The following SPAG1 variants were observed in gnomAD, a reference collection of about 807,000 sequenced individuals.
The protein encoded by SPAG1 is sperm associated antigen 1, also known as sperm-associated antigen 1.
A neutral mutation model predicts 100.5 loss-of-function variants in SPAG1; 69 were observed. The observed-to-expected ratio is 0.69, with a 90% CI of 0.57 to 0.84. The LOEUF (loss-of-function observed/expected upper bound fraction) is 0.84, where lower values mean the gene tolerates loss of function less well. Ranked by LOEUF, SPAG1 falls within the 40% of genes least tolerant of loss-of-function variation. SPAG1 has a pLI of 0.00. For synonymous variants in SPAG1, 336 were observed against 411.6 expected (o/e 0.82, Z 2.22); for missense variants, 955 against 1,133.1 (o/e 0.84, Z 2.26).
At chr8:100,226,710 A>T (rs1818529999) in intron 14 of SPAG1, among the ~76,000 whole-genome samples, 1 of 152,282 alleles carries the variant, frequency 6.6e-6, no homozygotes, top group East Asian at 1.9e-4. Context: ...CTCAAAAAAA[A>T]AAAATTTAAA....
chr8:100,214,004 C>T (rs1054548480), intron 12 of SPAG1, 86 bp downstream of exon 12: 7 of 697,102 alleles, frequency 1.0e-5, no homozygotes, highest in Admixed American at 2.7e-5. Flanking sequence ...AATTTTCTGC[C>T]TAAGGATCTA....
intron 12 of SPAG1, among the ~76,000 whole-genome samples, chr8:100,216,962 A>T (rs1563803556): frequency 3.9e-5 from 4 of 101,908 alleles, no homozygotes; most frequent in Non-Finnish European, 3.5e-5. Flanking sequence ...TTTGAGACTG[A>T]GTCTTGCTCT....
chr8:100,163,895 T>C (rs1586382563), intron 2 of SPAG1, among the ~76,000 whole-genome samples: 1 of 152,218 alleles, frequency 6.6e-6, no homozygotes, highest in South Asian at 2.1e-4. Context: ...GTTATAATAA[T>C]GTTGGTTCCA....
At position 100,162,416 on chromosome 8, in the gene SPAG1, C is replaced by A; in HGVS notation, c.136C>A (p.Leu46Ile). The A allele has an allele frequency of 6.3e-7, 1 of 1,575,120 alleles. No homozygotes were observed. The highest frequency in any genetic ancestry group is 8.6e-7 in the Non-Finnish European group (1 of 1,165,538). Reference protein sequence around the residue: ...VKHLEKILCVLRSGEEGYYPE... With the variant: ...VKHLEKILCVIRSGEEGYYPE... ...ACATCTGGAAAAAATTCTTTGCGTGCTCAGGTAAGCATTTTAAAATCATTA... is the reference window on the plus strand; with the variant it reads ...ACATCTGGAAAAAATTCTTTGCGTGATCAGGTAAGCATTTTAAAATCATTA... Residue 46 changes from leucine (L) to isoleucine (I), a missense_variant, in exon 2 of 19, where the codon CTC (leucine) becomes ATC (isoleucine). Physicochemically the swap from Leu to Ile is conservative, Grantham distance 5. Coordinates refer to ENST00000388798, the MANE Select transcript of SPAG1 (RefSeq NM_003114.5).
At chr8:100,224,383 AAT>A (rs1423710448) in intron 13 of SPAG1, among the ~76,000 whole-genome samples, 1 of 152,156 alleles carries the variant, frequency 6.6e-6, no homozygotes, top group Non-Finnish European at 1.5e-5. Flanking sequence ...CTCTACTAAA[AAT>A]ACTAAAATTA....
intron 14 of SPAG1, among the ~76,000 whole-genome samples, chr8:100,230,749 G>A (rs749758707): frequency 9.9e-5 from 15 of 151,986 alleles, no homozygotes; most frequent in Non-Finnish European, 2.1e-4. Flanking sequence ...TCAGCCTCCC[G>A]AGTAGCTAGG....
Position 100,187,206 on chromosome 8 carries a change from AG to A in SPAG1, c.790del (p.Asp264IlefsTer8). Reference sequence around the variant, plus strand: ...TTACAGAACTGGAATAGTGCTTTTCAGGATTGTGAAAAGGTCTTGGAGTTAG... The same window carrying A: ...TTACAGAACTGGAATAGTGCTTTTCAGATTGTGAAAAGGTCTTGGAGTTAG... ...IKLQNWNSAF[Q>X]DCEKVLELEP... On this transcript the variant is annotated frameshift_variant, in exon 8 of 19. Transcript: ENST00000388798. LOFTEE classifies it high-confidence loss of function. 1 of 1,612,944 alleles carries A rather than the reference AG, an allele frequency of 6.2e-7. No individual in the cohort carries two copies. The highest frequency in any genetic ancestry group is 8.5e-7 in the Non-Finnish European group (1 of 1,179,220).
chr8:100,177,368 G>T (rs1202982207), intron 3 of SPAG1, among the ~76,000 whole-genome samples: 1 of 151,970 alleles, frequency 6.6e-6, no homozygotes, highest in Non-Finnish European at 1.5e-5. Flanking sequence ...ACGTATTATA[G>T]TGTCTCCTAC....
intron 12 of SPAG1, among the ~76,000 whole-genome samples, chr8:100,219,016 A>T (rs1170524472): frequency 6.6e-6 from 1 of 152,196 alleles, no homozygotes; most frequent in Non-Finnish European, 1.5e-5. Flanking sequence ...CCTGAAGCTC[A>T]CATTAGAAAG....
At chr8:100,204,216 C>T (rs1321092891) in intron 10 of SPAG1, among the ~76,000 whole-genome samples, 2 of 152,052 alleles carry the variant, frequency 1.3e-5, no homozygotes, top group Admixed American at 1.3e-4. Context: ...CAGAAGCCAC[C>T]CCCAACAACC....
intron 10 of SPAG1, among the ~76,000 whole-genome samples, chr8:100,195,413 A>G (rs552916165): frequency 3.9e-5 from 6 of 152,298 alleles, no homozygotes; most frequent in African/African-American, 1.4e-4. Context: ...AAATAATGCA[A>G]TGTATACACT....
Position 100,220,408 on chromosome 8 carries a change from G to A in SPAG1, c.1665G>A (p.Gln555=), listed in dbSNP as rs371593283. The change falls in exon 13 of 19, where the codon CAG becomes CAA. Residue 555 remains glutamine, a synonymous_variant. Coordinates refer to ENST00000388798, the MANE Select transcript of SPAG1 (RefSeq NM_003114.5). ...TGTTGCAGATAGACTGTGGACTCCA[G>A]CTAGCAAATGACAGTGTTAACAGGT... ...KTVLQIDCGL[Q]LANDSVNRLS... is the part of the protein sequence containing the mutation. The A allele has an allele frequency of 2.5e-6, 4 of 1,613,002 alleles. No homozygotes were observed. Among genetic ancestry groups the A allele is most frequent in the Middle Eastern group, 1.6e-4 (1 of 6,082 alleles).
At chr8:100,223,912 G>A (rs1420247469) in intron 13 of SPAG1, among the ~76,000 whole-genome samples, 3 of 151,928 alleles carry the variant, frequency 2.0e-5, no homozygotes, top group Non-Finnish European at 2.9e-5. Context: ...TTAAGAAACT[G>A]TAGGGAAATT....
chr8:100,194,011 T>C (rs1000157513), intron 9 of SPAG1, 101 bp from the exon 10 acceptor site: 3 of 1,042,488 alleles, frequency 2.9e-6, no homozygotes, highest in South Asian at 2.5e-5. Flanking sequence ...CTTGTCTTAG[T>C]TGTATTCATT....
At chr8:100,161,982 C>A (rs555045599) in intron 1 of SPAG1, among the ~76,000 whole-genome samples, 1 of 152,196 alleles carries the variant, frequency 6.6e-6, no homozygotes. Context: ...GGTTCATCTG[C>A]ATCTCGTTAT....
chr8:100,205,404 G>A (rs1174565584), intron 10 of SPAG1, among the ~76,000 whole-genome samples: 1 of 152,196 alleles, frequency 6.6e-6, no homozygotes, highest in Non-Finnish European at 1.5e-5. Context: ...CGGTCCTCCA[G>A]GTAAAGTATG....
chr8:100,185,969 T>G (rs1464631874), intron 7 of SPAG1, among the ~76,000 whole-genome samples: 2 of 152,140 alleles, frequency 1.3e-5, no homozygotes, highest in Non-Finnish European at 1.5e-5. Context: ...CTTTTCTTCT[T>G]TTTTGAGGAG....
intron 2 of SPAG1, among the ~76,000 whole-genome samples, chr8:100,164,713 C>T (rs979718623): frequency 2.0e-5 from 3 of 152,264 alleles, no homozygotes; most frequent in African/African-American, 7.2e-5. Flanking sequence ...GCCTGAGCCA[C>T]AGTGCCCAAC....
intron 10 of SPAG1, chr8:100,194,555 G>T: frequency 1.9e-6 from 1 of 518,034 alleles, no homozygotes; most frequent in South Asian, 3.5e-5. Context: ...CCATTTGCCA[G>T]TTAACTTTAA....
Sources: gnomAD v4.1 joint callset for allele counts (sites outside exome capture counted in the v4.1 genomes callset) on GRCh38, gnomAD v4.1.1 for gene constraint, MANE v1.5 for transcripts, NCBI Gene and HGNC (gene_info 2026-07-23, HGNC 2026-07-21) for gene names.